Variants in MED25 observed in about 807,000 individuals in gnomAD.
The protein encoded by MED25 is mediator of RNA polymerase II transcription subunit 25.
Under a neutral mutation model 89.4 loss-of-function variants are expected in MED25, and 62 were observed. The observed-to-expected ratio is 0.69, with a 90% confidence interval of 0.57 to 0.86. MED25 has a LOEUF of 0.86. Ranked by LOEUF, MED25 falls within the 40% of genes least tolerant of loss-of-function variation. MED25 has a pLI of 0.00. For missense variants in MED25, 905 were observed against 1,005.2 expected, an observed-to-expected ratio of 0.90 and a Z score of 1.35; for synonymous variants, 449 against 427.9, an observed-to-expected ratio of 1.05 and a Z score of -0.61.
In MED25 at chr19:49,829,192, G is replaced by A. The variant is rs1476808652; in HGVS notation, c.525+102G>A. ...CTGGACTCCTGGGTCTGAGGGAGGAGGCACTGGGGGCCTGGACTCTTGGGT... is the reference window on the plus strand; with the variant it reads ...CTGGACTCCTGGGTCTGAGGGAGGAAGCACTGGGGGCCTGGACTCTTGGGT... On this transcript the variant is annotated intron_variant, in intron 5 of 17. Coordinates refer to ENST00000312865, the MANE Select transcript of MED25 (RefSeq NM_030973.4). This position sits in a 1 kb window ranked among gnomAD's most constrained non-coding sequence, Gnocchi z 4.6. 1 of 1,038,476 alleles carries A rather than the reference G, an allele frequency of 9.6e-7. No individual in the cohort carries two copies. Among genetic ancestry groups the A allele is most frequent in the Non-Finnish European group, 1.5e-6 (1 of 688,288 alleles). 64.3% of individuals were successfully genotyped at this position (1,038,476 alleles called of 1,614,324 possible). A position where few individuals can be genotyped will look rare whatever the true frequency, so the allele number is the denominator to read the frequency against.
chr19:49,838,096 G>A (rs1298746088), downstream of MED25, among the ~76,000 whole-genome samples: 2 of 152,042 alleles, frequency 1.3e-5, no homozygotes, highest in Non-Finnish European at 2.9e-5. Context: ...CTGAGAGCGC[G>A]GTCCATGCCT....
chr19:49,827,135 A>C (rs1314385609), intron 3 of MED25, among the ~76,000 whole-genome samples: 1 of 152,078 alleles, frequency 6.6e-6, no homozygotes, highest in African/African-American at 2.4e-5. Context: ...AGACCCTCAG[A>C]GGGGTGCTCG....
intron 3 of MED25, among the ~76,000 whole-genome samples, chr19:49,825,957 A>G (rs896949583): frequency 6.6e-6 from 1 of 152,088 alleles, no homozygotes; most frequent in African/African-American, 2.4e-5. Flanking sequence ...GCCCAGGAAA[A>G]TATTGGCTTA....
chr19:49,819,226 G>A lies in MED25; in HGVS notation c.235G>A (p.Glu79Lys), dbSNP rs1359745073. ...GTTCAACACAGTGGACTGCGCTCCC[G>A]AGTCCTACGTACAATGTCACGCTCC... ...VVFNTVDCAP[E>K]SYVQCHAPTS... is the part of the protein sequence containing the mutation. The change falls in exon 3 of 18, where the codon GAG becomes AAG. Residue 79 changes from glutamate (E) to lysine (K), a missense_variant. By Grantham distance (56) the Glu-to-Lys change is moderately conservative. Transcript: ENST00000312865. 7 of 1,614,078 alleles carry A rather than the reference G, an allele frequency of 4.3e-6. No individual in the cohort carries two copies. Among genetic ancestry groups the A allele is most frequent in the Non-Finnish European group, 5.9e-6 (7 of 1,180,032 alleles).
At position 49,834,593 on chromosome 19, in the gene MED25, C is replaced by T. The variant is rs143777291; in HGVS notation, c.1483-393C>T. The T allele has an allele frequency of 3.5e-3, 1,113 of 319,368 alleles. 11 individuals carry two copies. The highest frequency in any genetic ancestry group is 0.022 in the African/African-American group (1,044 of 46,842). The allele number at this position is 319,368 out of a possible 1,614,324, so 19.8% of individuals were successfully genotyped here. On this transcript the variant is annotated intron_variant, in intron 13 of 17. Transcript: ENST00000312865. This position sits in a 1 kb window ranked among gnomAD's most constrained non-coding sequence, Gnocchi z 4.1. ...CTTGGATACCCGGGGTCCGACCCAC[C>T]GTTGATCACAGGCCTGTGGGTACCA...
At position 49,831,263 on chromosome 19, in the gene MED25, C is replaced by T. The variant is rs181467995; in HGVS notation, c.1102-70C>T. 27 of 1,539,544 alleles carry T rather than the reference C, an allele frequency of 1.8e-5. No individual in the cohort carries two copies. The highest frequency in any genetic ancestry group is 2.2e-4 in the Middle Eastern group (1 of 4,466). On this transcript the variant is annotated intron_variant, in intron 9 of 17. Transcript: ENST00000312865. The surrounding 1 kb of genome is among the most constrained non-coding windows in gnomAD (Gnocchi z 5.0). The stretch of plus-strand genomic sequence containing the variant: ...GATCTTTCCTCCTTCCTGGTTTGCC[C>T]TCACAGGATGGCCCCCGGAGGCTCC...
At position 49,831,326 on chromosome 19, in the gene MED25, CTG is replaced by C. The variant is rs2074055780; in HGVS notation, c.1102-6_1102-5del. The stretch of plus-strand genomic sequence containing the variant: ...TTCTCATGGCCCTCCTTCCTCCCCT[CTG>C]GCAGGCAGGCACTGTGGCCCCAGGA... On this transcript the variant is annotated splice_region_variant and splice_polypyrimidine_tract_variant and intron_variant, in intron 9 of 17. Coordinates refer to ENST00000312865, the MANE Select transcript of MED25 (RefSeq NM_030973.4). The surrounding 1 kb of genome is among the most constrained non-coding windows in gnomAD (Gnocchi z 5.0). 6.2e-7 allele frequency: 1 copy of C among 1,610,182 alleles called. No individual in the cohort carries two copies. Among genetic ancestry groups the C allele is most frequent in the African/African-American group, 1.3e-5 (1 of 75,024 alleles).
rs760417504 is a variant in MED25 at position 49,830,653 on chromosome 19, A to T, written c.908-41A>T. The T allele has an allele frequency of 6.2e-7, 1 of 1,612,900 alleles. No individual in the cohort carries two copies. The highest frequency in any genetic ancestry group is 8.5e-7 in the Non-Finnish European group (1 of 1,178,910). On this transcript the variant is annotated intron_variant, in intron 8 of 17. Coordinates refer to ENST00000312865, the MANE Select transcript of MED25 (RefSeq NM_030973.4). This position sits in a 1 kb window ranked among gnomAD's most constrained non-coding sequence, Gnocchi z 4.6. ...GCAGGGGCCAGGCAGGCCTCTCTCC[A>T]CACACTTGTTCCCCACTTCTTCCCT...
At chr19:49,839,014 G>A (rs1430249118), downstream of MED25, 4 of 336,512 alleles carry the variant, frequency 1.2e-5, no homozygotes, top group East Asian at 2.3e-4. Context: ...GGGCATTTGC[G>A]TTGCACAGTG....
Position 49,829,351 on chromosome 19 carries a change from C to G in MED25, c.525+261C>G, listed in dbSNP as rs547479312. Among the ~76,000 whole-genome samples, 128 of 152,186 alleles carry G rather than the reference C, an allele frequency of 8.4e-4. No individual in the cohort carries two copies. The highest frequency in any genetic ancestry group is 3.0e-3 in the African/African-American group (125 of 41,522). ...TGGAGTGCAGTGGTGTGATCTTGGCCCACTGCAGCCTCTGCCTCCAGGGTT... is the reference window on the plus strand; with the variant it reads ...TGGAGTGCAGTGGTGTGATCTTGGCGCACTGCAGCCTCTGCCTCCAGGGTT... On this transcript the variant is annotated intron_variant, in intron 5 of 17. Transcript: ENST00000312865. This position sits in a 1 kb window ranked among gnomAD's most constrained non-coding sequence, Gnocchi z 4.6.
Position 49,835,471 on chromosome 19 carries a change from C to G in MED25, c.1675-63C>G. ...TAGTTCCCCTCAGGGCACAGGCCCT[C>G]CCGCCTCAGATTCAGGATGCCACCA... is the stretch of plus-strand genomic sequence containing the variant. On this transcript the variant is annotated intron_variant, in intron 14 of 17. Transcript: ENST00000312865. This position sits in a 1 kb window ranked among gnomAD's most constrained non-coding sequence, Gnocchi z 6.2. 6.8e-7 allele frequency: 1 copy of G among 1,462,994 alleles called. No homozygotes were observed. Among genetic ancestry groups the G allele is most frequent in the Non-Finnish European group, 9.2e-7 (1 of 1,091,092 alleles). The allele number at this position is 1,462,994 out of a possible 1,614,324, so 90.6% of individuals were successfully genotyped here. A position where few individuals can be genotyped will look rare whatever the true frequency, so the allele number is the denominator to read the frequency against.
rs753753447 is a variant in MED25, at chr19:49,834,660, C to T, written c.1483-326C>T. ...CGCTCTCCCGGCCGTGACCCTCAGC[C>T]GCCCTCTGAGGAGGCCGCCGTGGCA... On this transcript the variant is annotated intron_variant, in intron 13 of 17. Coordinates refer to ENST00000312865, the MANE Select transcript of MED25 (RefSeq NM_030973.4). This position sits in a 1 kb window ranked among gnomAD's most constrained non-coding sequence, Gnocchi z 4.1. The T allele has an allele frequency of 2.6e-4, 110 of 416,352 alleles. No homozygotes were observed. The highest frequency in any genetic ancestry group is 2.6e-4 in the Non-Finnish European group (57 of 220,686). 25.8% of individuals were successfully genotyped at this position (416,352 alleles called of 1,614,324 possible).
At position 49,835,172 on chromosome 19, in the gene MED25, C is replaced by G. The variant is rs1344347388; in HGVS notation, c.1669C>G (p.Arg557Gly). ...GCAGCAGAAGCTGGAGCAGCAGCAG[C>G]GAGGAGTGAGTGTTGACAGTCCCCA... ...VQQQKLEQQQ[R>G]GMGGQQAPPG... is the part of the protein sequence containing the mutation. The change falls in exon 14 of 18, where the codon CGA becomes GGA. Residue 557 changes from arginine to glycine, a missense_variant. Arg to Gly is a moderately radical substitution (Grantham distance 125). Coordinates refer to ENST00000312865, the MANE Select transcript of MED25 (RefSeq NM_030973.4). This position sits in a 1 kb window ranked among gnomAD's most constrained non-coding sequence, Gnocchi z 6.2. 6.2e-7 allele frequency: 1 copy of G among 1,613,836 alleles called. No individual in the cohort carries two copies. Among genetic ancestry groups the G allele is most frequent in the Admixed American group, 1.7e-5 (1 of 60,008 alleles).
At chr19:49,818,840 G>A in intron 2 of MED25, 1 of 611,546 alleles carries the variant, frequency 1.6e-6, no homozygotes, top group Middle Eastern at 4.4e-4. Context: ...GGAGGAGGGA[G>A]CTAGGGGCCC....
In MED25 at chr19:49,828,459, G is replaced by C. The variant is rs535472885; in HGVS notation, c.316G>C (p.Gly106Arg). 2 of 1,613,192 alleles carry C rather than the reference G, an allele frequency of 1.2e-6. No individual in the cohort carries two copies. Among genetic ancestry groups the C allele is most frequent in the African/African-American group, 1.3e-5 (1 of 75,044 alleles). The change falls in exon 4 of 18, where the codon GGG becomes CGG. Residue 106 changes from glycine (G) to arginine (R), a missense_variant. Around this residue, in one of 3 missense-constraint regions of MED25, gnomAD observed 501 missense variants for 526.9 expected, o/e 0.95. Transcript: ENST00000312865. Reference protein sequence around the residue: ...TWLDGIKFMGGGGESCSLIAE... With the variant: ...TWLDGIKFMGRGGESCSLIAE... Reference sequence around the variant, plus strand: ...GCTCTGCCCCTGCAGGTTCATGGGCGGGGGTGGTGAGAGCTGCAGCCTCAT... The same window carrying C: ...GCTCTGCCCCTGCAGGTTCATGGGCCGGGGTGGTGAGAGCTGCAGCCTCAT...
Position 49,836,182 on chromosome 19 carries a change from A to C in MED25, c.1966-44A>C. ...GCAGTGTCTGTGTTGAGAGGTGGGG[A>C]GTCTCTACCAGGAGCCTCTGAGCCA... is the stretch of plus-strand genomic sequence containing the variant. On this transcript the variant is annotated intron_variant, in intron 16 of 17. Transcript: ENST00000312865. The surrounding 1 kb of genome is among the most constrained non-coding windows in gnomAD (Gnocchi z 5.1). 1 of 1,594,770 alleles carries C rather than the reference A, an allele frequency of 6.3e-7. No individual in the cohort carries two copies. Among genetic ancestry groups the C allele is most frequent in the South Asian group, 1.1e-5 (1 of 90,220 alleles).
rs759379519 is a variant in MED25, at chr19:49,835,709, T to C, written c.1747-18T>C. On this transcript the variant is annotated intron_variant, in intron 15 of 17. Coordinates refer to ENST00000312865, the MANE Select transcript of MED25 (RefSeq NM_030973.4). The surrounding 1 kb of genome is among the most constrained non-coding windows in gnomAD (Gnocchi z 6.2). ...AGGCCCTGCCCATCTCCCTCACCCC[T>C]GTGTCTCTTCCCACCAGCTCCAGCT... 5.0e-6 allele frequency: 8 copies of C among 1,605,308 alleles called. No individual in the cohort carries two copies. Among genetic ancestry groups the C allele is most frequent in the South Asian group, 1.1e-5 (1 of 89,772 alleles).
At chr19:49,820,416 T>A (rs180674074) in intron 3 of MED25, among the ~76,000 whole-genome samples, 1 of 152,254 alleles carries the variant, frequency 6.6e-6, no homozygotes, top group African/African-American at 2.4e-5. Flanking sequence ...ATGTCCCTTA[T>A]CTAGGTTAGC....
chr19:49,828,170 A>C (rs1397319269), intron 3 of MED25, among the ~76,000 whole-genome samples: 1 of 151,878 alleles, frequency 6.6e-6, no homozygotes, highest in African/African-American at 2.4e-5. Context: ...CGGAGCTTGC[A>C]GTGAACTGAG....
Sources: allele counts gnomAD v4.1 joint callset (sites outside exome capture counted in the v4.1 genomes callset), GRCh38; gene constraint gnomAD v4.1.1; regional missense constraint gnomAD v4.1.1; non-coding constraint Gnocchi (gnomAD v3.1); transcripts MANE v1.5; gene names NCBI Gene and HGNC (gene_info 2026-07-23, HGNC 2026-07-21).